Variants in NRXN3 observed in about 807,000 individuals in gnomAD.
The protein encoded by NRXN3 is neurexin 3, also known as neurexin III.
In NRXN3, 32 loss-of-function variants were observed where a neutral mutation model predicts 137.6. The observed-to-expected ratio is 0.23, with a 90% CI of 0.18 to 0.31. NRXN3 has a LOEUF of 0.31. Among genes scored for constraint, NRXN3 ranks in the 10% least tolerant of loss-of-function variants. The pLI is 1.00. For missense variants in NRXN3, 1,574 were observed against 2,062.5 expected (o/e 0.76, Z 4.59); for synonymous variants, 798 against 784.5 (o/e 1.02, Z -0.29).
intron 17 of NRXN3, among the ~76,000 whole-genome samples, chr14:79,691,786 T>C (rs977092014): frequency 2.2e-4 from 33 of 152,000 alleles, no homozygotes; most frequent in African/African-American, 8.0e-4. Flanking sequence ...GGAGCGAGGG[T>C]CCCGTCTCAC....
At chr14:79,208,755 T>A (rs1163957506) in intron 15 of NRXN3, among the ~76,000 whole-genome samples, 1 of 152,180 alleles carries the variant, frequency 6.6e-6, no homozygotes, top group Non-Finnish European at 1.5e-5. Flanking sequence ...TAATCATATC[T>A]ATAGCTAAAC....
chr14:78,432,623 G>T (rs1243989704), intron 4 of NRXN3, among the ~76,000 whole-genome samples: 5 of 152,194 alleles, frequency 3.3e-5, no homozygotes, highest in Non-Finnish European at 7.3e-5. Flanking sequence ...AAAAAGAGAA[G>T]TTCAGTAAAG....
chr14:78,832,686 T>A (rs2098985766), intron 10 of NRXN3, among the ~76,000 whole-genome samples: 1 of 152,170 alleles, frequency 6.6e-6, no homozygotes, highest in African/African-American at 2.4e-5. Flanking sequence ...TCCTTGAATA[T>A]TTCCTGCTAA....
At chr14:78,258,810 A>G (rs1053044725) in intron 2 of NRXN3, among the ~76,000 whole-genome samples, 5 of 152,126 alleles carry the variant, frequency 3.3e-5, no homozygotes, top group African/African-American at 1.2e-4. Flanking sequence ...TTTTTCTTCT[A>G]CCTTCAATGT....
chr14:78,678,383 G>A (rs1436793707), intron 6 of NRXN3, among the ~76,000 whole-genome samples: 1 of 151,438 alleles, frequency 6.6e-6, no homozygotes, highest in Admixed American at 6.6e-5. Flanking sequence ...GAACTCCCGG[G>A]CTCAAGCAAT....
At chr14:79,580,741 G>T (rs2097707703) in intron 16 of NRXN3, among the ~76,000 whole-genome samples, 1 of 151,856 alleles carries the variant, frequency 6.6e-6, no homozygotes, top group Admixed American at 6.6e-5. Context: ...TTCTGCTTTG[G>T]CTTAAAAAAA....
At chr14:78,908,522 T>A (rs1353988934) in intron 10 of NRXN3, among the ~76,000 whole-genome samples, 4 of 152,094 alleles carry the variant, frequency 2.6e-5, no homozygotes, top group Non-Finnish European at 4.4e-5. Context: ...ATAATTTTTC[T>A]TTCAGAATTA....
At chr14:78,826,308 C>T (rs1268760643) in intron 10 of NRXN3, among the ~76,000 whole-genome samples, 2 of 152,130 alleles carry the variant, frequency 1.3e-5, no homozygotes, top group Non-Finnish European at 2.9e-5. Flanking sequence ...CACGACCCCA[C>T]CCCACGATTC....
chr14:79,773,077 G>C (rs890679761), intron 19 of NRXN3, among the ~76,000 whole-genome samples: 1 of 152,086 alleles, frequency 6.6e-6, no homozygotes, highest in Non-Finnish European at 1.5e-5. Flanking sequence ...ACCACAATGA[G>C]ATACCATCTC....
At chr14:78,548,497 T>A (rs1449989014) in intron 4 of NRXN3, among the ~76,000 whole-genome samples, 1 of 152,164 alleles carries the variant, frequency 6.6e-6, no homozygotes, top group African/African-American at 2.4e-5. Flanking sequence ...AGAAGTTTTT[T>A]AAAAAATAAA....
At chr14:78,497,063 C>A (rs1246963863) in intron 4 of NRXN3, among the ~76,000 whole-genome samples, 1 of 152,068 alleles carries the variant, frequency 6.6e-6, no homozygotes, top group African/African-American at 2.4e-5. Context: ...GCAAAACAGA[C>A]CTCACCCACC....
At chr14:78,516,698 A>G (rs17107794) in intron 4 of NRXN3, among the ~76,000 whole-genome samples, 3,492 of 152,204 alleles carry the variant, frequency 0.023, 118 homozygotes, top group African/African-American at 0.072. Flanking sequence ...GTAAAAAGTA[A>G]CAACAAACAC....
chr14:78,274,666 A>G (rs1016103934), intron 2 of NRXN3, among the ~76,000 whole-genome samples: 1 of 152,202 alleles, frequency 6.6e-6, no homozygotes, highest in Non-Finnish European at 1.5e-5. Context: ...TTATTGTTGA[A>G]TATGCAGTAA....
At chr14:78,506,743 T>C (rs867929238) in intron 4 of NRXN3, among the ~76,000 whole-genome samples, 177 of 146,596 alleles carry the variant, frequency 1.2e-3, no homozygotes, top group African/African-American at 4.3e-3. Flanking sequence ...AATCATAGCA[T>C]GCTACAGCCC....
chr14:78,803,743 T>C lies in NRXN3; in HGVS notation c.2168T>C (p.Val723Ala). 2 of 1,614,072 alleles carry C rather than the reference T, an allele frequency of 1.2e-6. No individual in the cohort carries two copies. The highest frequency in any genetic ancestry group is 1.7e-6 in the Non-Finnish European group (2 of 1,179,968). The change falls in exon 9 of 21, where the codon GTG becomes GCG. Residue 723 changes from valine (V) to alanine (A), a missense_variant. Coordinates refer to ENST00000335750, the MANE Select transcript of NRXN3 (RefSeq NM_001330195.2). ...FMSQRAYGLLVATTSRDSADT... is the reference protein window; with the variant it reads ...FMSQRAYGLLAATTSRDSADT... ...TCCCAGCGAGCTTATGGGCTGCTGG[T>C]GGCTACGACCTCCAGGGACTCTGCC... is the stretch of plus-strand genomic sequence containing the variant.
chr14:79,511,963 G>A (rs1422087064), intron 16 of NRXN3, among the ~76,000 whole-genome samples: 4 of 152,162 alleles, frequency 2.6e-5, no homozygotes, highest in East Asian at 3.9e-4. Context: ...GCAATGGTGC[G>A]ATCTCAGCTC....
At chr14:78,279,520 C>T (rs1237305814) in intron 3 of NRXN3, 2 of 152,114 alleles carry the variant, frequency 1.3e-5, no homozygotes, top group African/African-American at 2.4e-5. Context: ...CACATGTTTT[C>T]TTGTTTAGTC....
At chr14:78,464,219 ATT>A (rs1180282846) in intron 4 of NRXN3, among the ~76,000 whole-genome samples, 1 of 151,562 alleles carries the variant, frequency 6.6e-6, no homozygotes, top group South Asian at 2.1e-4. Flanking sequence ...TGTCCAGCTA[ATT>A]TTTTTTGTAT....
At chr14:79,811,874 G>A (rs775284286) in intron 20 of NRXN3, among the ~76,000 whole-genome samples, 41 of 151,942 alleles carry the variant, frequency 2.7e-4, no homozygotes, top group Admixed American at 8.5e-4. Flanking sequence ...GAGCCACCGC[G>A]CCCGGCCAGT....
Sources: allele counts gnomAD v4.1 joint callset (sites outside exome capture counted in the v4.1 genomes callset), GRCh38; gene constraint gnomAD v4.1.1; transcripts MANE v1.5; gene names NCBI Gene and HGNC (gene_info 2026-07-23, HGNC 2026-07-21).